TTN: variants seen among roughly 807,000 people sequenced by gnomAD.
TTN encodes connectin.
TTN carries 1,525 observed loss-of-function variants against 3,223.0 expected under a neutral mutation model. The ratio of observed to expected loss-of-function variants is 0.47; its 90% CI spans 0.45 to 0.49. TTN has a LOEUF of 0.49. TTN is among the 20% of genes least tolerant of loss of function. TTN has a pLI of 0.00. For synonymous variants in TTN, 14,094 were observed against 15,161.0 expected, an observed-to-expected ratio of 0.93 and a Z score of 5.17; for missense variants, 40,786 against 43,424.0, an observed-to-expected ratio of 0.94 and a Z score of 5.40.
In TTN at chr2:178,603,895, C is replaced by T; in HGVS notation, c.54792G>A (p.Glu18264=). Residue 18264 remains glutamate, a synonymous_variant, in exon 282 of 363, where the codon GAG becomes GAA. Transcript: ENST00000589042. ...ACTTACATATGGGATCTCCTGCAAC[C>T]TCTGGATCTGATGGTTCACTGGGAG... is the stretch of plus-strand genomic sequence containing the variant. The part of the protein sequence containing the change: ...IGPPSEPSDP[E]VAGDPIFPPG... The T allele has an allele frequency of 6.2e-7, 1 of 1,607,146 alleles. No homozygotes were observed. The highest frequency in any genetic ancestry group is 8.5e-7 in the Non-Finnish European group (1 of 1,175,088).
Position 178,562,595 on chromosome 2 carries a change from T to C in TTN, c.83537A>G (p.Tyr27846Cys). 2 of 1,610,830 alleles carry C rather than the reference T, an allele frequency of 1.2e-6. No homozygotes were observed. The highest frequency in any genetic ancestry group is 1.7e-6 in the Non-Finnish European group (2 of 1,178,852). ...TGTTTCAGCTGGCAAACCAATCCCATATTCATTGGAAGCCAAGACTCGGAA... is the reference window on the plus strand; with the variant it reads ...TGTTTCAGCTGGCAAACCAATCCCACATTCATTGGAAGCCAAGACTCGGAA... ...YYFRVLASNE[Y>C]GIGLPAETTE... is the part of the protein sequence containing the mutation. The change falls in exon 326 of 363, where the codon TAT (tyrosine) becomes TGT (cysteine). Residue 27846 changes from tyrosine (Y) to cysteine (C), a missense_variant. Tyr to Cys is a radical substitution (Grantham distance 194). Transcript: ENST00000589042.
chr2:178,764,458 G>A, intron 42 of TTN, 69 bp downstream of exon 42: 2 of 1,611,626 alleles, frequency 1.2e-6, no homozygotes, highest in Non-Finnish European at 1.7e-6. Context: ...ATTTTTAAAT[G>A]CACTGGGAAA....
At position 178,577,262 on chromosome 2, in the gene TTN, G is replaced by A; in HGVS notation, c.69073C>T (p.Pro23025Ser). Residue 23025 changes from proline to serine, a missense_variant, in exon 324 of 363, where the codon CCT (proline) becomes TCT (serine). Transcript: ENST00000589042. ...AGEYTITATN[P>S]FGTKVEHVKV... The stretch of plus-strand genomic sequence containing the variant: ...ACATGTTCCACCTTCGTGCCAAAAG[G>A]ATTGGTAGCAGTGATGGTATATTCA... The A allele has an allele frequency of 6.2e-7, 1 of 1,612,810 alleles. No homozygotes were observed. Among genetic ancestry groups the A allele is most frequent in the East Asian group, 2.2e-5 (1 of 44,662 alleles).
rs998696984 is a variant in TTN at position 178,593,884 on chromosome 2, T to C, written c.58433-17A>G. On this transcript the variant is annotated splice_polypyrimidine_tract_variant and intron_variant, in intron 297 of 362. Coordinates refer to ENST00000589042, the MANE Select transcript of TTN (RefSeq NM_001267550.2). The stretch of plus-strand genomic sequence containing the variant: ...CAGGACGGTCTGCAGAAAAAAAAAA[T>C]CATGGCACAAAATGTTATTGCCATT... 4 of 1,606,986 alleles carry C rather than the reference T, an allele frequency of 2.5e-6. No homozygotes were observed. In the Admixed American group the frequency reaches 6.8e-5, roughly 27 times the overall value.
chr2:178,561,804 C>A lies in TTN; in HGVS notation c.84328G>T (p.Ala28110Ser). 1.2e-6 allele frequency: 2 copies of A among 1,613,674 alleles called. No individual in the cohort carries two copies. Among genetic ancestry groups the A allele is most frequent in the Non-Finnish European group, 1.7e-6 (2 of 1,179,748 alleles). ...TTWHIVSQAVARTSIKIVRLT... is the reference protein window; with the variant it reads ...TTWHIVSQAVSRTSIKIVRLT... ...CGAACTATTTTAATGGATGTTCTTG[C>A]AACTGCTTGTGAAACTATGTGCCAT... The change falls in exon 326 of 363, where the codon GCA becomes TCA. Residue 28110 changes from alanine to serine, a missense_variant. By Grantham distance (99) the Ala-to-Ser change is moderately conservative. Transcript: ENST00000589042.
In TTN at chr2:178,593,715, G is replaced by T. The variant is rs878972430; in HGVS notation, c.58585C>A (p.Pro19529Thr). Reference protein sequence around the residue: ...KKEVGKDVWMPVTSASAKTTC... With the variant: ...KKEVGKDVWMTVTSASAKTTC... Reference sequence around the variant, plus strand: ...GTTTTAGCACTTGCAGATGTCACTGGCATCCAGACGTCTTTACCCACTTCC... The same window carrying T: ...GTTTTAGCACTTGCAGATGTCACTGTCATCCAGACGTCTTTACCCACTTCC... Residue 19529 changes from proline (P) to threonine (T), a missense_variant, in exon 298 of 363, where the codon CCA becomes ACA. By Grantham distance (38) the Pro-to-Thr change is conservative (BLOSUM62 -1). Coordinates refer to ENST00000589042, the MANE Select transcript of TTN (RefSeq NM_001267550.2). 3.7e-6 allele frequency: 6 copies of T among 1,613,142 alleles called. No individual in the cohort carries two copies. The highest frequency in any genetic ancestry group is 5.1e-6 in the Non-Finnish European group (6 of 1,179,582).
rs761861743 is a variant in TTN, at chr2:178,633,892, C to T, written c.42607G>A (p.Val14203Met). ...ATCTGAGATATATCATCCAATGTCA[C>T]TTCTTTCATTTCCAATTTGTGAGTC... ...GKTHKLEMKE[V>M]TLDDISQIKA... The change falls in exon 231 of 363, where the codon GTG becomes ATG. Residue 14203 changes from valine to methionine, a missense_variant. Transcript: ENST00000589042. 6.2e-7 allele frequency: 1 copy of T among 1,613,444 alleles called. No individual in the cohort carries two copies. Among genetic ancestry groups the T allele is most frequent in the South Asian group, 1.1e-5 (1 of 91,074 alleles).
In TTN at chr2:178,576,949, T is replaced by C. The variant is rs755308234; in HGVS notation, c.69386A>G (p.Glu23129Gly). The C allele has an allele frequency of 1.2e-5, 20 of 1,613,340 alleles. No homozygotes were observed. Among genetic ancestry groups the C allele is most frequent in the Non-Finnish European group, 1.7e-5 (20 of 1,179,456 alleles). ...HYGKGEPVQS[E>G]PVKMVDRFGP... is the part of the protein sequence containing the mutation. ...AAATCTGTCTACCATTTTGACAGGT[T>C]CAGACTGTACAGGTTCTCCTTTGCC... The change falls in exon 324 of 363, where the codon GAA (glutamate) becomes GGA (glycine). Residue 23129 changes from glutamate to glycine, a missense_variant. By Grantham distance (98) the Glu-to-Gly change is moderately conservative. Coordinates refer to ENST00000589042, the MANE Select transcript of TTN (RefSeq NM_001267550.2). This position sits in a 1 kb window ranked among gnomAD's most constrained non-coding sequence, Gnocchi z 4.3.
In TTN at chr2:178,757,887, T is replaced by C; in HGVS notation, c.10333A>G (p.Asn3445Asp). The C allele has an allele frequency of 6.6e-7, 1 of 1,524,568 alleles. No homozygotes were observed. The highest frequency in any genetic ancestry group is 2.2e-5 in the Admixed American group (1 of 45,298). 94.4% of individuals were successfully genotyped at this position (1,524,568 alleles called of 1,614,324 possible). Residue 3445 changes from asparagine to aspartate, a missense_variant, in exon 45 of 363, where the codon AAC becomes GAC. Transcript: ENST00000589042. Reference sequence around the variant, plus strand: ...GATAAAGAGACATGCCATTGGGAGTTTGATGTATTTTCTTCAAATTTGCTA... The same window carrying C: ...GATAAAGAGACATGCCATTGGGAGTCTGATGTATTTTCTTCAAATTTGCTA... ...GFSKFEENTS[N>D]SQWHVSLSVS...
chr2:178,703,446 G>C (rs1033973854), intron 106 of TTN, among the ~76,000 whole-genome samples: 1 of 152,188 alleles, frequency 6.6e-6, no homozygotes, highest in Non-Finnish European at 1.5e-5. Flanking sequence ...AGTCAGAAAA[G>C]TTGACATGCT....
Position 178,592,173 on chromosome 2 carries a change from T to G in TTN, c.59731A>C (p.Asn19911His). 1 of 1,612,738 alleles carries G rather than the reference T, an allele frequency of 6.2e-7. No homozygotes were observed. Among genetic ancestry groups the G allele is most frequent in the Non-Finnish European group, 8.5e-7 (1 of 1,179,428 alleles). ...ACATCTCTCCTCTCAACCACATAAT[T>G]GGTAATAACAGAACCACCATCATCC... is the stretch of plus-strand genomic sequence containing the variant. ...PLDDGGSVIT[N>H]YVVERRDVAS... The change falls in exon 302 of 363, where the codon AAT (asparagine) becomes CAT (histidine). Residue 19911 changes from asparagine (N) to histidine (H), a missense_variant. By Grantham distance (68) the Asn-to-His change is moderately conservative. Transcript: ENST00000589042.
rs775217119 is a variant in TTN at position 178,554,574 on chromosome 2, G to A, written c.88773C>T (p.Cys29591=). 4.3e-6 allele frequency: 7 copies of A among 1,613,732 alleles called. No individual in the cohort carries two copies. In the Admixed American group the frequency reaches 5.0e-5, roughly 12 times the overall value. The change falls in exon 332 of 363, where the codon TGC becomes TGT. Residue 29591 remains cysteine (C), a synonymous_variant. Coordinates refer to ENST00000589042, the MANE Select transcript of TTN (RefSeq NM_001267550.2). ...TGATAATTTTGGTGGTTGTAATGAT[G>A]CACTCTTCCAAATGTTCAGACACCA... ...WSMVSEHLEE[C]IITTTKIIKG...
rs767149437 is a variant in TTN, at chr2:178,612,965, A to G, written c.49756T>C (p.Tyr16586His). 2 of 1,612,728 alleles carry G rather than the reference A, an allele frequency of 1.2e-6. No individual in the cohort carries two copies. Residue 16586 changes from tyrosine to histidine, a missense_variant, in exon 265 of 363, where the codon TAT becomes CAT. Tyr to His is a moderately conservative substitution (Grantham distance 83, BLOSUM62 2). Transcript: ENST00000589042. Reference sequence around the variant, plus strand: ...CCAGTCTTCAGCATTTCAATGACATAAGACTCAATCTTTGCACCTCCATCA... The same window carrying G: ...CCAGTCTTCAGCATTTCAATGACATGAGACTCAATCTTTGCACCTCCATCA... ...EHDGGAKIES[Y>H]VIEMLKTGTD... is the part of the protein sequence containing the mutation.
intron 295 of TTN, 28 bp from the exon 296 acceptor site, chr2:178,594,674 T>A: frequency 6.5e-7 from 1 of 1,529,198 alleles, no homozygotes; most frequent in Admixed American, 2.1e-5. Context: ...GGAATTGTGG[T>A]AGAAAAAAAT....
At chr2:178,769,995 A>G (rs2154342619) in intron 36 of TTN, 56 bp from the exon 37 acceptor site, 1 of 1,614,152 alleles carries the variant, frequency 6.2e-7, no homozygotes, top group Middle Eastern at 1.6e-4. Flanking sequence ...AAGTAGATGA[A>G]ACCAAACAAA....
chr2:178,753,653 T>A lies in TTN; in HGVS notation c.11255-473A>T, dbSNP rs767459574. 2.9e-4 allele frequency: 45 copies of A among 157,712 alleles called. 1 individual carries two copies. Among genetic ancestry groups the A allele is most frequent in the East Asian group, 7.4e-4 (4 of 5,432 alleles). 9.8% of individuals were successfully genotyped at this position (157,712 alleles called of 1,614,324 possible). On this transcript the variant is annotated intron_variant, in intron 46 of 362. Coordinates refer to ENST00000589042, the MANE Select transcript of TTN (RefSeq NM_001267550.2). ...CTTTCAAACTTTGAACTACATGAAG[T>A]CCAAATTACATATTAAGAAACAAAA...
intron 138 of TTN, 34 bp from the exon 139 acceptor site, chr2:178,680,365 C>T (rs751261294): frequency 2.9e-5 from 46 of 1,570,868 alleles, no homozygotes; most frequent in Non-Finnish European, 3.9e-5. Flanking sequence ...ATTTTATTGT[C>T]AGTAAAAGGC....
chr2:178,709,452 G>A (rs1481682827), intron 99 of TTN, 114 bp downstream of exon 99: 8 of 1,054,586 alleles, frequency 7.6e-6, no homozygotes, highest in Non-Finnish European at 1.1e-5. Context: ...GTTAAATAAT[G>A]TGTATTTATA....
At position 178,641,169 on chromosome 2, in the gene TTN, A is replaced by G. The variant is rs2243452; in HGVS notation, c.40633+72T>C. ...TTTACATCTAACTTCATTTATGTTT[A>G]CAAGATAAACCTTTTGTTAAATGTC... is the stretch of plus-strand genomic sequence containing the variant. On this transcript the variant is annotated intron_variant, in intron 220 of 362. Coordinates refer to ENST00000589042, the MANE Select transcript of TTN (RefSeq NM_001267550.2). The G allele has an allele frequency of 0.026, 27,437 of 1,043,592 alleles. 529 individuals are homozygous for G. The highest frequency in any genetic ancestry group is 0.09 in the East Asian group (3,318 of 36,908). The allele number at this position is 1,043,592 out of a possible 1,614,324, so 64.6% of individuals were successfully genotyped here. A position where few individuals can be genotyped will look rare whatever the true frequency, so the allele number is the denominator to read the frequency against.
Sources: allele counts gnomAD v4.1 joint callset (sites outside exome capture counted in the v4.1 genomes callset), GRCh38; gene constraint gnomAD v4.1.1; non-coding constraint Gnocchi (gnomAD v3.1); transcripts MANE v1.5; gene names NCBI Gene and HGNC (gene_info 2026-07-23, HGNC 2026-07-21).